The following CUX1 variants were observed in gnomAD, a reference collection of about 807,000 sequenced individuals.
CUX1 encodes protein CASP.
In CUX1, 31 loss-of-function variants were observed where a neutral mutation model predicts 158.8. That is an observed-to-expected ratio of 0.20 (90% CI 0.15 to 0.26). The LOEUF (loss-of-function observed/expected upper bound fraction) is 0.26, where lower values mean the gene tolerates loss of function less well. Ranked by LOEUF, CUX1 falls within the 10% of genes least tolerant of loss-of-function variation. The pLI is 1.00. For missense variants in CUX1, 1,589 were observed against 2,014.6 expected, an observed-to-expected ratio of 0.79 and a Z score of 4.04; for synonymous variants, 879 against 862.1, an observed-to-expected ratio of 1.02 and a Z score of -0.34.
rs370856477 is a variant in CUX1, at chr7:102,197,342, C to T, written c.1894+37C>T. On this transcript the variant is annotated intron_variant, in intron 15 of 23. Transcript: ENST00000292535. ...GCGTTGGGTGGCGCCAGCGTGCGAG[C>T]CCGTCACAGAGTTGCACATGTGTGT... The T allele has an allele frequency of 2.5e-6, 4 of 1,594,734 alleles. No homozygotes were observed. The South Asian group carries it at 3.4e-5, about 13-fold the overall frequency.
rs76780198 is a variant in CUX1 at position 101,978,260 on chromosome 7, A to T, written c.142-49838A>T. ...GACATCTCCGGCTTCACATGGCTTC[A>T]AAAGAGAACTGTTGACCCCTCCCAC... On this transcript the variant is annotated intron_variant, in intron 2 of 23. Coordinates refer to ENST00000292535, the MANE Select transcript of CUX1 (RefSeq NM_181552.4). 2.0e-3 allele frequency among the ~76,000 whole-genome samples: 300 copies of T among 152,276 alleles called. 1 individual carries two copies. Among genetic ancestry groups the T allele is most frequent in the African/African-American group, 6.8e-3 (282 of 41,538 alleles).
intron 21 of CUX1, among the ~76,000 whole-genome samples, chr7:102,229,412 C>T (rs1263247505): frequency 1.3e-5 from 2 of 151,170 alleles, no homozygotes; most frequent in East Asian, 1.9e-4. Flanking sequence ...GCCGGGTTCA[C>T]GCGATTCTCC....
At chr7:102,102,389 A>G (rs1260388344) in intron 5 of CUX1, among the ~76,000 whole-genome samples, 1 of 129,204 alleles carries the variant, frequency 7.7e-6, no homozygotes, top group Non-Finnish European at 1.5e-5. Context: ...GCACCACTGC[A>G]TGTCAGTCTG....
chr7:102,197,015 C>G lies in CUX1; in HGVS notation c.1604C>G (p.Ser535Cys). ...CCAGATGTCAATGGCATGGCCCCAT[C>G]CCCCAGCCAGTCAGAAAGTGCTGGG... The part of the protein sequence containing the change: ...QSPDVNGMAP[S>C]PSQSESAGSV... The change falls in exon 15 of 24, where the codon TCC becomes TGC. Residue 535 changes from serine (S) to cysteine (C), a missense_variant. Physicochemically the swap from Ser to Cys is moderately radical, Grantham distance 112. Transcript: ENST00000292535. The G allele has an allele frequency of 6.2e-7, 1 of 1,614,224 alleles. No individual in the cohort carries two copies. The highest frequency in any genetic ancestry group is 8.5e-7 in the Non-Finnish European group (1 of 1,180,030).
At chr7:102,123,470 G>A (rs1363195525) in intron 8 of CUX1, among the ~76,000 whole-genome samples, 7 of 151,624 alleles carry the variant, frequency 4.6e-5, no homozygotes, top group African/African-American at 9.7e-5. Flanking sequence ...TGAGCCAGGC[G>A]TGGTGGCGGG....
At chr7:102,126,759 C>T (rs59822540) in intron 8 of CUX1, among the ~76,000 whole-genome samples, 12,527 of 152,118 alleles carry the variant, frequency 0.082, 685 homozygotes, top group African/African-American at 0.14. Flanking sequence ...GTGGGGGGCG[C>T]GGTTCAGGAT....
intron 3 of CUX1, among the ~76,000 whole-genome samples, chr7:102,037,064 C>T (rs910741860): frequency 2.0e-5 from 3 of 152,190 alleles, no homozygotes; most frequent in East Asian, 1.9e-4. Context: ...TGATGGCACA[C>T]GCCTGTAGTC....
intron 2 of CUX1, among the ~76,000 whole-genome samples, chr7:102,008,343 C>T (rs1817622388): frequency 6.6e-6 from 1 of 152,006 alleles, no homozygotes; most frequent in African/African-American, 2.4e-5. Context: ...TATCTTGTCT[C>T]TTTCTAGAAA....
intron 3 of CUX1, among the ~76,000 whole-genome samples, chr7:102,036,875 G>A (rs17135004): frequency 0.031 from 4,650 of 152,102 alleles, 97 homozygotes; most frequent in African/African-American, 0.039. Context: ...GTCCTCTGAC[G>A]ATTGGCAAAT....
chr7:102,246,225 C>G (rs1800794363), intron 23 of CUX1, among the ~76,000 whole-genome samples: 2 of 152,148 alleles, frequency 1.3e-5, no homozygotes, highest in African/African-American at 4.8e-5. Context: ...AACTAGCAGT[C>G]TCACTGCCAA....
At chr7:101,895,543 A>G (rs1406595476) in intron 1 of CUX1, among the ~76,000 whole-genome samples, 3 of 152,176 alleles carry the variant, frequency 2.0e-5, no homozygotes, top group Non-Finnish European at 2.9e-5. Context: ...TCACCTGTCC[A>G]TAGGGGTGGG....
chr7:102,228,597 G>A (rs868963382), intron 21 of CUX1, among the ~76,000 whole-genome samples: 1 of 152,110 alleles, frequency 6.6e-6, no homozygotes, highest in African/African-American at 2.4e-5. Flanking sequence ...CCAGGAGTTC[G>A]AGACCAACCT....
At chr7:102,174,956 C>G (rs1212167571) in intron 10 of CUX1, among the ~76,000 whole-genome samples, 1 of 151,852 alleles carries the variant, frequency 6.6e-6, no homozygotes, top group East Asian at 1.9e-4. Context: ...TCTCAAAAAA[C>G]AAAAACAAAA....
intron 12 of CUX1, among the ~76,000 whole-genome samples, chr7:102,193,223 C>T (rs1210397709): frequency 6.6e-6 from 1 of 152,226 alleles, no homozygotes; most frequent in Non-Finnish European, 1.5e-5. Flanking sequence ...CTCCTTACAA[C>T]TTTTTCCTTC....
intron 3 of CUX1, among the ~76,000 whole-genome samples, chr7:102,065,014 A>G (rs1825385548): frequency 6.6e-6 from 1 of 152,150 alleles, no homozygotes; most frequent in Admixed American, 6.5e-5. Context: ...AGTCACACAA[A>G]GGGACAACCT....
rs879983108 is a variant in CUX1, at chr7:102,252,741, C to T, written c.*3699C>T. On this transcript the variant is annotated 3_prime_UTR_variant, in exon 24 of 24. Coordinates refer to ENST00000292535, the MANE Select transcript of CUX1 (RefSeq NM_181552.4). ...GTCTTCTGTCCTCCTCCCCAACCCC[C>T]GAGCTCCCTGGTAACCTCCTCTTGA... 13 of 985,414 alleles carry T rather than the reference C, an allele frequency of 1.3e-5. No homozygotes were observed. Among genetic ancestry groups the T allele is most frequent in the Non-Finnish European group, 1.6e-5 (13 of 830,008 alleles). The allele number at this position is 985,414 out of a possible 1,614,324, so 61.0% of individuals were successfully genotyped here. A position where few individuals can be genotyped will look rare whatever the true frequency, so the allele number is the denominator to read the frequency against.
At chr7:102,276,593 C>T (rs897078050) in intron 17 of CUX1, among the ~76,000 whole-genome samples, 3 of 152,202 alleles carry the variant, frequency 2.0e-5, no homozygotes, top group South Asian at 2.1e-4. Flanking sequence ...TGAGCCACCG[C>T]GCTGGCCACT....
chr7:102,177,036 G>C (rs61212564), intron 10 of CUX1, among the ~76,000 whole-genome samples: 9,866 of 151,420 alleles, frequency 0.065, 445 homozygotes, highest in African/African-American at 0.12. Flanking sequence ...GGGTAGCCAG[G>C]TTTTTTTCAC....
intron 8 of CUX1, 93 bp downstream of exon 8, chr7:102,115,366 T>C (rs1554491502): frequency 9.4e-7 from 1 of 1,068,386 alleles, no homozygotes; most frequent in Non-Finnish European, 1.4e-6. Flanking sequence ...TTGACCTCTG[T>C]GCTGCTGCAG....
Sources: allele counts gnomAD v4.1 joint callset (sites outside exome capture counted in the v4.1 genomes callset), GRCh38; gene constraint gnomAD v4.1.1; transcripts MANE v1.5; gene names NCBI Gene and HGNC (gene_info 2026-07-23, HGNC 2026-07-21).